Variants in DYNC2I1 observed in about 807,000 individuals in gnomAD.
The protein encoded by DYNC2I1 is dynein 2 intermediate chain 1, also known as cytoplasmic dynein 2 intermediate chain 1.
In DYNC2I1, 89 loss-of-function variants were observed where a neutral mutation model predicts 133.4. The observed-to-expected ratio is 0.67, with a 90% CI of 0.56 to 0.80. The LOEUF is 0.80. Ranked by LOEUF, DYNC2I1 falls within the 30% of genes least tolerant of loss-of-function variation. The probability of loss-of-function intolerance (pLI) is 0.00; values close to 1 mark genes in which losing one functional copy is unlikely to be tolerated. For missense variants in DYNC2I1, 1,291 were observed against 1,314.5 expected, an observed-to-expected ratio of 0.98 and a Z score of 0.28; for synonymous variants, 504 against 484.3, an observed-to-expected ratio of 1.04 and a Z score of -0.54.
intron 21 of DYNC2I1, among the ~76,000 whole-genome samples, chr7:158,933,767 G>A (rs1850464005): frequency 6.6e-6 from 1 of 152,220 alleles, no homozygotes; most frequent in African/African-American, 2.4e-5. Flanking sequence ...CAAGCATGAA[G>A]AAATAGTCTA....
At chr7:158,947,314 CT>C (rs1851918387), downstream of DYNC2I1, among the ~76,000 whole-genome samples, 1 of 152,232 alleles carries the variant, frequency 6.6e-6, no homozygotes, top group Non-Finnish European at 1.5e-5. Context: ...ACCGTCCTTG[CT>C]GCTGTTTTGC....
intron 6 of DYNC2I1, among the ~76,000 whole-genome samples, chr7:158,885,720 G>T (rs1233878887): frequency 6.6e-6 from 1 of 152,164 alleles, no homozygotes; most frequent in Non-Finnish European, 1.5e-5. Flanking sequence ...TCAAAGATTA[G>T]AAAACCCAGG....
At chr7:158,842,081 C>T in the DYNC2I1 span, among the ~76,000 whole-genome samples, 7 of 152,190 alleles carry the variant, frequency 4.6e-5, no homozygotes, top group Admixed American at 1.3e-4. Context: ...CAGGCTGGAG[C>T]GCAGTGGCAC....
chr7:158,952,709 C>T (rs1215907808), intron 4 of DYNC2I1, among the ~76,000 whole-genome samples: 2 of 151,482 alleles, frequency 1.3e-5, no homozygotes, highest in Non-Finnish European at 2.9e-5. Context: ...AACCCCCAGC[C>T]GCATCGTAAG....
chr7:158,851,064 T>C, the DYNC2I1 span, among the ~76,000 whole-genome samples: 1 of 151,986 alleles, frequency 6.6e-6, no homozygotes, highest in African/African-American at 2.4e-5. Flanking sequence ...GAGTTATTTA[T>C]AGTTTAGAGC....
At chr7:158,877,426 C>T (rs565727283) in intron 4 of DYNC2I1, among the ~76,000 whole-genome samples, 103 of 152,258 alleles carry the variant, frequency 6.8e-4, no homozygotes, top group African/African-American at 2.3e-3. Flanking sequence ...CTTTTTGGTT[C>T]GTTCATAATT....
intron 21 of DYNC2I1, among the ~76,000 whole-genome samples, 168 bp downstream of exon 21, chr7:158,930,683 T>G (rs754149027): frequency 1.3e-5 from 2 of 152,200 alleles, no homozygotes; most frequent in African/African-American, 2.4e-5. Context: ...TTTTTATTTT[T>G]TTGAGACGGA....
chr7:158,905,140 C>CTTTCTTTTTTTTTT, intron 10 of DYNC2I1: 1 of 335,744 alleles, frequency 3.0e-6, no homozygotes, highest in South Asian at 2.3e-5. Context: ...CTTTCTTTTT[C>CTTTCTTTTTTTTTT]TTTTTTTTTT....
Position 158,945,830 on chromosome 7 carries a change from C to A in DYNC2I1, c.*51C>A. On this transcript the variant is annotated 3_prime_UTR_variant, in exon 25 of 25. Transcript: ENST00000407559. The surrounding 1 kb of genome is among the most constrained non-coding windows in gnomAD (Gnocchi z 4.1). ...TCTGTAATGACCCAGATTTAAAAGA[C>A]ATAAGGTGGATAATTCTACATTTGT... 1 of 1,444,214 alleles carries A rather than the reference C, an allele frequency of 6.9e-7. No homozygotes were observed. Among genetic ancestry groups the A allele is most frequent in the South Asian group, 1.5e-5 (1 of 67,958 alleles). The allele number at this position is 1,444,214 out of a possible 1,614,324, so 89.5% of individuals were successfully genotyped here.
At position 158,879,925 on chromosome 7, in the gene DYNC2I1, A is replaced by G. The variant is rs1404053077; in HGVS notation, c.815A>G (p.His272Arg). Residue 272 changes from histidine (H) to arginine (R), a missense_variant, in exon 5 of 25, where the codon CAC (histidine) becomes CGC (arginine). His to Arg is a conservative substitution (Grantham distance 29). Coordinates refer to ENST00000407559, the MANE Select transcript of DYNC2I1 (RefSeq NM_018051.5). ...GGTTTTCATTTTGATGATGAGAGGC[A>G]CCAAAGCAACGTGGATAGAAAAGAG... is the stretch of plus-strand genomic sequence containing the variant. ...KEGFHFDDERHQSNVDRKEKS... is the reference protein window; with the variant it reads ...KEGFHFDDERRQSNVDRKEKS... 1.2e-6 allele frequency: 2 copies of G among 1,611,778 alleles called. No homozygotes were observed. Among genetic ancestry groups the G allele is most frequent in the Non-Finnish European group, 1.7e-6 (2 of 1,179,332 alleles).
At chr7:158,949,820 G>A (rs561979218), downstream of DYNC2I1, among the ~76,000 whole-genome samples, 16 of 151,544 alleles carry the variant, frequency 1.1e-4, no homozygotes, top group Admixed American at 3.3e-4. Flanking sequence ...TGTCTAGGCT[G>A]GAGTGCAATG....
upstream of DYNC2I1, among the ~76,000 whole-genome samples, chr7:158,852,999 G>C (rs1336406885): frequency 6.6e-6 from 1 of 152,162 alleles, no homozygotes; most frequent in African/African-American, 2.4e-5. Flanking sequence ...ATGAATGCTT[G>C]TCTGTGTCCA....
At chr7:158,912,139 T>C (rs117566661) in intron 12 of DYNC2I1, among the ~76,000 whole-genome samples, 9 of 152,348 alleles carry the variant, frequency 5.9e-5, no homozygotes, top group Non-Finnish European at 8.8e-5. Flanking sequence ...AGGCCTGTTT[T>C]CTGGGTGAAC....
chr7:158,898,973 G>C (rs899856818), intron 8 of DYNC2I1, among the ~76,000 whole-genome samples: 3 of 151,484 alleles, frequency 2.0e-5, no homozygotes, highest in Admixed American at 2.0e-4. Flanking sequence ...TATCCTTGCT[G>C]TCATTCATTT....
intron 5 of DYNC2I1, 40 bp downstream of exon 5, chr7:158,880,029 G>A (rs1275872058): frequency 1.3e-6 from 2 of 1,538,812 alleles, no homozygotes; most frequent in African/African-American, 1.4e-5. Context: ...CAGCCGCCCC[G>A]AGGCCGGCGC....
At chr7:158,896,222 G>GT (rs1379892800) in intron 8 of DYNC2I1, among the ~76,000 whole-genome samples, 2 of 152,080 alleles carry the variant, frequency 1.3e-5, no homozygotes, top group Non-Finnish European at 2.9e-5. Flanking sequence ...TTAGCTGTAT[G>GT]TTTTTTTGTA....
chr7:158,932,930 GC>G (rs1850372999), intron 21 of DYNC2I1, among the ~76,000 whole-genome samples: 2 of 152,204 alleles, frequency 1.3e-5, no homozygotes, highest in South Asian at 4.1e-4. Flanking sequence ...CACTTGCCAG[GC>G]GAGGATAGGA....
chr7:158,925,270 C>T (rs1177443298), intron 17 of DYNC2I1, among the ~76,000 whole-genome samples: 1 of 152,138 alleles, frequency 6.6e-6, no homozygotes, highest in African/African-American at 2.4e-5. Flanking sequence ...ATGGTTTTGT[C>T]TTTTTCTTCA....
At chr7:158,925,177 C>T (rs1374183935) in intron 17 of DYNC2I1, among the ~76,000 whole-genome samples, 1 of 152,214 alleles carries the variant, frequency 6.6e-6, no homozygotes, top group Non-Finnish European at 1.5e-5. Flanking sequence ...CCCGGGAGAC[C>T]AGCCCTTTCC....
Sources: allele counts gnomAD v4.1 joint callset (sites outside exome capture counted in the v4.1 genomes callset), GRCh38; gene constraint gnomAD v4.1.1; non-coding constraint Gnocchi (gnomAD v3.1); transcripts MANE v1.5; gene names NCBI Gene and HGNC (gene_info 2026-07-23, HGNC 2026-07-21).